SLC30A8: variants seen among roughly 807,000 people sequenced by gnomAD.
SLC30A8 encodes the protein proton-coupled zinc antiporter SLC30A8.
In SLC30A8, 27 loss-of-function variants were observed where a neutral mutation model predicts 36.9. That is an observed-to-expected ratio of 0.73 (90% CI 0.54 to 1.01). SLC30A8 has a LOEUF of 1.01. SLC30A8 is among the 50% of genes least tolerant of loss of function. SLC30A8 has a pLI of 0.00. For missense variants in SLC30A8, 439 were observed against 452.0 expected (o/e 0.97, Z 0.26); for synonymous variants, 164 against 172.4 (o/e 0.95, Z 0.38).
chr8:117,066,017 A>C (rs7017296), intron 2 of SLC30A8, among the ~76,000 whole-genome samples: 6 of 151,798 alleles, frequency 4.0e-5, no homozygotes, highest in African/African-American at 1.2e-4. Context: ...CAGCACTTCA[A>C]TTGGCCTCTC....
rs950540646 is a variant in SLC30A8, at chr8:117,176,269, T to G, written c.*3588T>G. The G allele has an allele frequency of 1.3e-5, 2 of 152,568 alleles. No homozygotes were observed. The highest frequency in any genetic ancestry group is 1.9e-4 in the East Asian group (1 of 5,152). 9.5% of individuals were successfully genotyped at this position (152,568 alleles called of 1,614,324 possible). On this transcript the variant is annotated 3_prime_UTR_variant, in exon 8 of 8. Transcript: ENST00000456015. Reference sequence around the variant, plus strand: ...ATACATTTTATAGATTCCTGGAGAATGTTGCTCTCCAGCTCCATCCCCACC... The same window carrying G: ...ATACATTTTATAGATTCCTGGAGAAGGTTGCTCTCCAGCTCCATCCCCACC...
At chr8:117,151,341 T>G (rs1335276014) in intron 2 of SLC30A8, among the ~76,000 whole-genome samples, 1 of 152,148 alleles carries the variant, frequency 6.6e-6, no homozygotes, top group Non-Finnish European at 1.5e-5. Flanking sequence ...CCTGGTACCA[T>G]GCACAGTAAG....
intron 1 of SLC30A8, among the ~76,000 whole-genome samples, chr8:117,003,358 G>T (rs2130689906): frequency 6.6e-6 from 1 of 152,336 alleles, no homozygotes; most frequent in South Asian, 2.1e-4. Context: ...ATTGGCAGGG[G>T]CATGTTGGTT....
chr8:117,123,213 CGACA>C (rs1313032450), intron 2 of SLC30A8, among the ~76,000 whole-genome samples: 3 of 151,848 alleles, frequency 2.0e-5, no homozygotes, highest in African/African-American at 7.3e-5. Context: ...TTAATAATGG[CGACA>C]GACAGGATGT....
intron 2 of SLC30A8, among the ~76,000 whole-genome samples, chr8:117,127,507 A>G (rs1472603228): frequency 6.6e-6 from 1 of 152,074 alleles, no homozygotes; most frequent in Non-Finnish European, 1.5e-5. Flanking sequence ...CAATTAGACT[A>G]AGCAGGAAAA....
chr8:117,170,994 A>T, intron 6 of SLC30A8, 40 bp from the exon 7 acceptor site: 1 of 1,531,666 alleles, frequency 6.5e-7, no homozygotes, highest in Non-Finnish European at 8.8e-7. Flanking sequence ...AGCTGTATCT[A>T]GTTGAATAAC....
chr8:117,146,395 G>T (rs1391703472), intron 1 of SLC30A8, among the ~76,000 whole-genome samples: 2 of 152,152 alleles, frequency 1.3e-5, no homozygotes, highest in Non-Finnish European at 2.9e-5. Context: ...GCTTTGGGAA[G>T]CATAAGTAGG....
intron 1 of SLC30A8, among the ~76,000 whole-genome samples, chr8:117,144,770 T>C (rs527479959): frequency 6.6e-6 from 1 of 152,288 alleles, no homozygotes; most frequent in African/African-American, 2.4e-5. Context: ...ACATCCATTC[T>C]AGCGCTTCCC....
chr8:116,995,738 A>T (rs1338466640), intron 1 of SLC30A8, among the ~76,000 whole-genome samples: 1 of 152,074 alleles, frequency 6.6e-6, no homozygotes, highest in Non-Finnish European at 1.5e-5. Flanking sequence ...CCTAATAAGG[A>T]AAAAGGAGCC....
intron 1 of SLC30A8, among the ~76,000 whole-genome samples, chr8:116,984,907 C>T (rs766459313): frequency 1.3e-5 from 2 of 151,760 alleles, no homozygotes; most frequent in Non-Finnish European, 2.9e-5. Flanking sequence ...CTTTTGGTGT[C>T]AAGACTATGA....
At chr8:116,994,244 T>C (rs566935093) in intron 1 of SLC30A8, among the ~76,000 whole-genome samples, 1 of 152,078 alleles carries the variant, frequency 6.6e-6, no homozygotes, top group African/African-American at 2.4e-5. Flanking sequence ...GAAAATAGTT[T>C]GGCACTGCTA....
intron 4 of SLC30A8, among the ~76,000 whole-genome samples, chr8:117,159,744 A>G (rs571811976): frequency 6.6e-6 from 1 of 152,364 alleles, no homozygotes; most frequent in East Asian, 1.9e-4. Context: ...GTCTTGAGGC[A>G]GAAGGAAGAA....
chr8:117,142,282 C>T (rs1346326777), intron 1 of SLC30A8, among the ~76,000 whole-genome samples: 1 of 152,114 alleles, frequency 6.6e-6, no homozygotes, highest in African/African-American at 2.4e-5. Context: ...ATTGTCACCA[C>T]GTGGGTCAAA....
intron 1 of SLC30A8, among the ~76,000 whole-genome samples, chr8:117,138,024 A>G (rs1272653451): frequency 7.1e-6 from 1 of 141,446 alleles, no homozygotes; most frequent in Non-Finnish European, 1.5e-5. Context: ...AATCTGTTTC[A>G]TTGGTGGGAT....
chr8:116,981,605 C>A (rs1815264892), intron 1 of SLC30A8, among the ~76,000 whole-genome samples: 1 of 152,138 alleles, frequency 6.6e-6, no homozygotes, highest in Non-Finnish European at 1.5e-5. Context: ...ATCTGTTGTT[C>A]CCTACTTTGT....
At chr8:116,962,708 G>A (rs530450978) in intron 1 of SLC30A8, among the ~76,000 whole-genome samples, 3 of 152,086 alleles carry the variant, frequency 2.0e-5, no homozygotes, top group African/African-American at 7.2e-5. Context: ...TATAACCAGA[G>A]TCATGTCTAA....
At chr8:117,087,407 T>C (rs1818920000) in intron 2 of SLC30A8, among the ~76,000 whole-genome samples, 1 of 152,222 alleles carries the variant, frequency 6.6e-6, no homozygotes, top group African/African-American at 2.4e-5. Flanking sequence ...TGTTTTCCTC[T>C]CTCAGCCTTC....
chr8:116,959,496 T>A (rs1283112700), intron 1 of SLC30A8, among the ~76,000 whole-genome samples: 3 of 152,218 alleles, frequency 2.0e-5, no homozygotes. Flanking sequence ...CTAGAATCCT[T>A]AATTGGAATG....
intron 2 of SLC30A8, among the ~76,000 whole-genome samples, chr8:117,048,203 G>A (rs896804388): frequency 6.6e-6 from 1 of 152,098 alleles, no homozygotes; most frequent in African/African-American, 2.4e-5. Flanking sequence ...ACCCCTTTCT[G>A]GTAACAATTT....
Sources: allele counts gnomAD v4.1 joint callset (sites outside exome capture counted in the v4.1 genomes callset), GRCh38; gene constraint gnomAD v4.1.1; transcripts MANE v1.5; gene names NCBI Gene and HGNC (gene_info 2026-07-23, HGNC 2026-07-21).